PARM1: variants seen among roughly 807,000 people sequenced by gnomAD.
PARM1 encodes the protein WSC4, cell wall integrity and stress response component 4 homolog.
In PARM1, 14 loss-of-function variants were observed where a neutral mutation model predicts 24.6. The ratio of observed to expected loss-of-function variants is 0.57; its 90% CI spans 0.38 to 0.89. The LOEUF is 0.89. PARM1 is among the 40% of genes least tolerant of loss of function. The pLI is 0.00. For missense variants in PARM1, 362 were observed against 380.4 expected (o/e 0.95, Z 0.40); for synonymous variants, 179 against 156.6 (o/e 1.14, Z -1.07).
chr4:74,997,031 T>C (rs1381321643), intron 1 of PARM1, among the ~76,000 whole-genome samples: 1 of 152,178 alleles, frequency 6.6e-6, no homozygotes, highest in East Asian at 1.9e-4. Context: ...AAAAGGTAGA[T>C]TTTCTGGATG....
At chr4:75,006,306 C>T (rs373414740) in intron 1 of PARM1, among the ~76,000 whole-genome samples, 8 of 140,394 alleles carry the variant, frequency 5.7e-5, no homozygotes, top group African/African-American at 1.8e-4. Context: ...CCCCACCCTA[C>T]GGCAGGCCCC....
chr4:74,979,027 C>A (rs1471076141), intron 1 of PARM1, among the ~76,000 whole-genome samples: 1 of 151,812 alleles, frequency 6.6e-6, no homozygotes, highest in African/African-American at 2.4e-5. Flanking sequence ...CAAATAGACA[C>A]CCTAACATCA....
chr4:74,980,256 A>G (rs1722222294), intron 1 of PARM1, among the ~76,000 whole-genome samples: 1 of 152,204 alleles, frequency 6.6e-6, no homozygotes, highest in Non-Finnish European at 1.5e-5. Context: ...CTGATAAGCA[A>G]CTTCAGCAAA....
chr4:74,937,360 C>T (rs146829629), intron 1 of PARM1, among the ~76,000 whole-genome samples: 7 of 152,278 alleles, frequency 4.6e-5, no homozygotes, highest in African/African-American at 1.7e-4. Flanking sequence ...TGTGACATTT[C>T]CTTCACATGA....
chr4:75,045,327 G>A (rs995199444), intron 3 of PARM1, among the ~76,000 whole-genome samples: 2 of 152,188 alleles, frequency 1.3e-5, no homozygotes, highest in African/African-American at 4.8e-5. Context: ...GGCTTTGCAA[G>A]GCATTTTAAT....
At chr4:74,991,965 T>G (rs989783193) in intron 1 of PARM1, among the ~76,000 whole-genome samples, 1 of 152,174 alleles carries the variant, frequency 6.6e-6, no homozygotes, top group South Asian at 2.1e-4. Context: ...CTCCTTGTGT[T>G]CAATTAATTT....
chr4:75,007,709 G>T (rs981470115), intron 1 of PARM1, among the ~76,000 whole-genome samples: 5 of 152,202 alleles, frequency 3.3e-5, no homozygotes, highest in African/African-American at 1.2e-4. Context: ...TTAGCCCCCA[G>T]TGTGATGGTA....
chr4:75,011,922 C>G (rs983520220), intron 1 of PARM1, among the ~76,000 whole-genome samples: 2 of 152,180 alleles, frequency 1.3e-5, no homozygotes, highest in Admixed American at 6.5e-5. Flanking sequence ...AGACATGGAA[C>G]AGCCAGTCAG....
intron 1 of PARM1, among the ~76,000 whole-genome samples, chr4:74,942,186 G>A (rs185650191): frequency 1.9e-3 from 288 of 152,280 alleles, no homozygotes; most frequent in Middle Eastern, 3.4e-3. Context: ...TGTAAGGTGC[G>A]TGAGAAAAGA....
intron 1 of PARM1, among the ~76,000 whole-genome samples, chr4:75,008,071 A>T (rs1220277117): frequency 6.6e-6 from 1 of 152,222 alleles, no homozygotes; most frequent in Non-Finnish European, 1.5e-5. Flanking sequence ...TACGATCATC[A>T]TGGTGCCTTA....
At chr4:74,939,896 AC>A (rs1291449517) in intron 1 of PARM1, among the ~76,000 whole-genome samples, 1 of 152,212 alleles carries the variant, frequency 6.6e-6, no homozygotes, top group Admixed American at 6.5e-5. Context: ...GGTGGAATAC[AC>A]CTTTGATGAT....
At chr4:74,946,184 A>G (rs950138525) in intron 1 of PARM1, among the ~76,000 whole-genome samples, 3 of 152,208 alleles carry the variant, frequency 2.0e-5, no homozygotes, top group African/African-American at 4.8e-5. Context: ...TGAGCCACAA[A>G]TCACACAGTA....
Position 75,048,343 on chromosome 4 carries a change from C to T in PARM1, c.*2096C>T, listed in dbSNP as rs909365920. 2.0e-5 allele frequency: 3 copies of T among 152,120 alleles called. No homozygotes were observed. The highest frequency in any genetic ancestry group is 7.2e-5 in the African/African-American group (3 of 41,414). 9.4% of individuals were successfully genotyped at this position (152,120 alleles called of 1,614,324 possible). ...TCGTCATATCTCTGAATATTGAAAA[C>T]AACAACTAAAAAAGTGGACCTTCTC... On this transcript the variant is annotated 3_prime_UTR_variant, in exon 4 of 4. Transcript: ENST00000307428.
chr4:74,989,070 G>C (rs6533914), intron 1 of PARM1, among the ~76,000 whole-genome samples: 151,651 of 152,264 alleles, frequency 1, 75,521 homozygotes, highest in Middle Eastern at 1. Context: ...TATTTTTTTC[G>C]TATTCTCTTT....
chr4:74,960,861 A>T (rs889061721), intron 1 of PARM1, among the ~76,000 whole-genome samples: 4 of 151,860 alleles, frequency 2.6e-5, no homozygotes, highest in Non-Finnish European at 5.9e-5. Context: ...ACAAAAAAAA[A>T]AAAATTAGCG....
Position 75,035,993 on chromosome 4 carries a change from C to T in PARM1, c.848+2032C>T, listed in dbSNP as rs780380962. Among the ~76,000 whole-genome samples the T allele has an allele frequency of 3.3e-5, 5 of 152,042 alleles. 1 individual carries two copies. Among genetic ancestry groups the T allele is most frequent in the South Asian group, 2.1e-4 (1 of 4,808 alleles). ...CTGCAGATACACCGTATTTTAATTA[C>T]GAGTTAAATTGGCTTTTATGAACTA... On this transcript the variant is annotated intron_variant, in intron 3 of 3. Coordinates refer to ENST00000307428, the MANE Select transcript of PARM1 (RefSeq NM_015393.4).
chr4:74,976,347 C>G (rs1722138190), intron 1 of PARM1, among the ~76,000 whole-genome samples: 1 of 152,196 alleles, frequency 6.6e-6, no homozygotes, highest in African/African-American at 2.4e-5. Context: ...AATGGCCAGA[C>G]TGCTTCTTTA....
chr4:74,965,687 C>G (rs1471613932), intron 1 of PARM1, among the ~76,000 whole-genome samples: 1 of 152,162 alleles, frequency 6.6e-6, no homozygotes, highest in African/African-American at 2.4e-5. Flanking sequence ...GAATACTTCG[C>G]TTCTATGGTA....
rs138589973 is a variant in PARM1, at chr4:75,002,006, A to T, written c.44-10419A>T. On this transcript the variant is annotated intron_variant, in intron 1 of 3. Transcript: ENST00000307428. ...ATTGCCTACTGATTCACCGAAAAGA[A>T]GGCCAGGATGCATTAGCCTGGGATG... 4.2e-3 allele frequency among the ~76,000 whole-genome samples: 640 copies of T among 152,376 alleles called. 5 individuals carry two copies. Among genetic ancestry groups the T allele is most frequent in the African/African-American group, 0.015 (614 of 41,600 alleles).
Sources: gnomAD v4.1 joint callset for allele counts (sites outside exome capture counted in the v4.1 genomes callset) on GRCh38, gnomAD v4.1.1 for gene constraint, MANE v1.5 for transcripts, NCBI Gene and HGNC (gene_info 2026-07-23, HGNC 2026-07-21) for gene names.